Variants in MBNL1 observed in about 807,000 individuals in gnomAD.
MBNL1 encodes the protein muscleblind-like protein 1.
A neutral mutation model predicts 42.2 loss-of-function variants in MBNL1; 8 were observed. The observed-to-expected ratio is 0.19, with a 90% CI of 0.11 to 0.34. The LOEUF (loss-of-function observed/expected upper bound fraction) is 0.34. MBNL1 is among the 10% of genes least tolerant of loss of function. The pLI, the probability that MBNL1 is intolerant of heterozygous loss-of-function variation, is 1.00. For synonymous variants in MBNL1, 169 were observed against 173.9 expected (o/e 0.97, Z 0.22); for missense variants, 309 against 495.3 (o/e 0.62, Z 3.57).
upstream of MBNL1, chr3:152,268,642 G>A (rs2037969978): frequency 4.8e-6 from 2 of 412,512 alleles, no homozygotes; most frequent in South Asian, 1.7e-5. Flanking sequence ...GGGGATCCAC[G>A]GCGCCCGCGC....
chr3:152,414,481 A>T (rs2098662023), intron 2 of MBNL1, among the ~76,000 whole-genome samples: 1 of 152,190 alleles, frequency 6.6e-6, no homozygotes, highest in African/African-American at 2.4e-5. Context: ...AAGGTGTTTT[A>T]CTGAAGATAC....
At chr3:152,327,409 A>T (rs1410100631) in intron 2 of MBNL1, among the ~76,000 whole-genome samples, 1 of 151,640 alleles carries the variant, frequency 6.6e-6, no homozygotes, top group Non-Finnish European at 1.5e-5. Context: ...GTGCAGTGGC[A>T]TGATCTTGGC....
rs372818525 is a variant in MBNL1 at position 152,342,800 on chromosome 3, G to A, written c.174+42433G>A. Among the ~76,000 whole-genome samples the A allele has an allele frequency of 1.6e-4, 25 of 152,158 alleles. No individual in the cohort carries two copies. In the South Asian group the frequency reaches 4.8e-3, roughly 29 times the overall value. ...AGGCAAGTTAACCCCTCTGAGGTTCGTTAACTACACATATTAAACTAAAAA... is the reference window on the plus strand; with the variant it reads ...AGGCAAGTTAACCCCTCTGAGGTTCATTAACTACACATATTAAACTAAAAA... On this transcript the variant is annotated intron_variant, in intron 2 of 9. Coordinates refer to ENST00000324210, the MANE Select transcript of MBNL1 (RefSeq NM_021038.5).
chr3:152,388,051 T>C (rs2097526671), intron 2 of MBNL1, among the ~76,000 whole-genome samples: 1 of 152,230 alleles, frequency 6.6e-6, no homozygotes, highest in African/African-American at 2.4e-5. Context: ...TTGCATTGTT[T>C]TATGGGCCAA....
At chr3:152,349,525 T>G (rs896039308) in intron 2 of MBNL1, among the ~76,000 whole-genome samples, 3 of 152,136 alleles carry the variant, frequency 2.0e-5, no homozygotes, top group African/African-American at 7.2e-5. Context: ...TTTTCTGAGT[T>G]GCACTATAAA....
intron 2 of MBNL1, among the ~76,000 whole-genome samples, chr3:152,313,583 C>T (rs978655585): frequency 2.6e-5 from 4 of 152,154 alleles, no homozygotes; most frequent in Non-Finnish European, 4.4e-5. Flanking sequence ...TAGATACTAA[C>T]GGTAGCCGTT....
chr3:152,348,559 A>G (rs1283000794), intron 2 of MBNL1, among the ~76,000 whole-genome samples: 1 of 152,120 alleles, frequency 6.6e-6, no homozygotes, highest in Non-Finnish European at 1.5e-5. Flanking sequence ...TGTAGGTTGA[A>G]TTACTCTACA....
chr3:152,426,456 A>C (rs1197711846), intron 3 of MBNL1, among the ~76,000 whole-genome samples: 2 of 152,176 alleles, frequency 1.3e-5, no homozygotes, highest in Admixed American at 1.3e-4. Flanking sequence ...TCTGATGAAA[A>C]ATTGGTACAT....
chr3:152,349,224 C>A (rs1321250927), intron 2 of MBNL1, among the ~76,000 whole-genome samples: 3 of 151,960 alleles, frequency 2.0e-5, no homozygotes, highest in Non-Finnish European at 4.4e-5. Context: ...AATAACAGTT[C>A]TTCAGGGATT....
At chr3:152,301,458 A>C (rs2060695214) in intron 2 of MBNL1, among the ~76,000 whole-genome samples, 1 of 152,162 alleles carries the variant, frequency 6.6e-6, no homozygotes, top group South Asian at 2.1e-4. Context: ...TGCTATAATA[A>C]TCTTTTCTTT....
intron 2 of MBNL1, among the ~76,000 whole-genome samples, chr3:152,348,288 T>A (rs750251690): frequency 2.6e-5 from 4 of 152,074 alleles, no homozygotes; most frequent in Non-Finnish European, 4.4e-5. Flanking sequence ...CTCAAACAGG[T>A]GGATAAGCCA....
rs541442245 is a variant in MBNL1, at chr3:152,291,862, G to A, written c.-789-7543G>A. Reference sequence around the variant, plus strand: ...CTTAGTCATAGCTTACTGCAGTCTTGAACTCCTGGGCTCAAGCAGTACTCC... The same window carrying A: ...CTTAGTCATAGCTTACTGCAGTCTTAAACTCCTGGGCTCAAGCAGTACTCC... On this transcript the variant is annotated intron_variant, in intron 1 of 9. Coordinates refer to ENST00000324210, the MANE Select transcript of MBNL1 (RefSeq NM_021038.5). Among the ~76,000 whole-genome samples the A allele has an allele frequency of 1.5e-4, 23 of 152,230 alleles. No homozygotes were observed. In the South Asian group the frequency reaches 4.8e-3, roughly 32 times the overall value.
chr3:152,395,543 G>A (rs1370105397), intron 2 of MBNL1, among the ~76,000 whole-genome samples: 1 of 152,152 alleles, frequency 6.6e-6, no homozygotes, highest in African/African-American at 2.4e-5. Context: ...TATATAACCA[G>A]ACAATCAGTC....
In MBNL1 at chr3:152,406,459, A is replaced by G. The variant is rs140931158; in HGVS notation, c.175-8482A>G. Among the ~76,000 whole-genome samples the G allele has an allele frequency of 1.3e-4, 20 of 152,294 alleles. No homozygotes were observed. In the East Asian group the frequency reaches 3.9e-3, roughly 29 times the overall value. On this transcript the variant is annotated intron_variant, in intron 2 of 9. Transcript: ENST00000324210. Reference sequence around the variant, plus strand: ...CTCACAGGCAAAAGCTGCTGGAGAAAAAAGTGGTATTTTTTGTCACAAGAA... The same window carrying G: ...CTCACAGGCAAAAGCTGCTGGAGAAGAAAGTGGTATTTTTTGTCACAAGAA...
chr3:152,250,068 G>A (rs1214804166), intron 2 of MBNL1, among the ~76,000 whole-genome samples: 3 of 151,882 alleles, frequency 2.0e-5, no homozygotes, highest in Admixed American at 2.0e-4. Context: ...CTCCAGCTTT[G>A]TTCTTTTGGC....
chr3:152,358,966 A>G (rs2095734932), intron 2 of MBNL1, among the ~76,000 whole-genome samples: 2 of 152,208 alleles, frequency 1.3e-5, no homozygotes, highest in Non-Finnish European at 2.9e-5. Flanking sequence ...CAGTTGCTTA[A>G]AAGTACATTA....
intron 2 of MBNL1, among the ~76,000 whole-genome samples, chr3:152,258,936 G>A (rs1037440019): frequency 2.0e-5 from 3 of 152,144 alleles, no homozygotes; most frequent in Admixed American, 6.5e-5. Context: ...GGGCTTCTTG[G>A]TATTTAGGGA....
chr3:152,271,576 T>TA (rs1374324588), intron 1 of MBNL1, among the ~76,000 whole-genome samples: 4 of 152,128 alleles, frequency 2.6e-5, no homozygotes, highest in Non-Finnish European at 5.9e-5. Context: ...AGGTCTTGGT[T>TA]AGGAGAAGCT....
chr3:152,455,543 C>T lies in MBNL1; in HGVS notation c.963C>T (p.Gly321=). The change falls in exon 7 of 10, where the codon GGC becomes GGT. Residue 321 remains glycine, a splice_region_variant and synonymous_variant. Transcript: ENST00000324210. ...CCTGTTGCAATGCATGATGGGCAGG[C>T]TCAATATTGTGCATGACACCCGCTA... ...LQQHTAFLPP[G]SILCMTPATS... is the part of the protein sequence containing the mutation. 6 of 1,613,364 alleles carry T rather than the reference C, an allele frequency of 3.7e-6. No individual in the cohort carries two copies. The highest frequency in any genetic ancestry group is 5.1e-6 in the Non-Finnish European group (6 of 1,179,494).
Sources: gnomAD v4.1 joint callset for allele counts (sites outside exome capture counted in the v4.1 genomes callset) on GRCh38, gnomAD v4.1.1 for gene constraint, MANE v1.5 for transcripts, NCBI Gene and HGNC (gene_info 2026-07-23, HGNC 2026-07-21) for gene names.